ARRB1: variants seen among roughly 807,000 people sequenced by gnomAD.
ARRB1 encodes the protein beta-arrestin-1.
In ARRB1, 21 loss-of-function variants were observed where a neutral mutation model predicts 56.8. The ratio of observed to expected loss-of-function variants is 0.37; its 90% CI spans 0.26 to 0.53. ARRB1 has a LOEUF of 0.53. ARRB1 is among the 20% of genes least tolerant of loss of function. The pLI is 0.88. For missense variants in ARRB1, 424 were observed against 553.7 expected (o/e 0.77, Z 2.35); for synonymous variants, 210 against 218.6 (o/e 0.96, Z 0.35).
chr11:75,288,418 G>A (rs928858327), intron 2 of ARRB1, among the ~76,000 whole-genome samples: 2 of 151,960 alleles, frequency 1.3e-5, no homozygotes, highest in African/African-American at 2.4e-5. Context: ...CAGATCCAGA[G>A]CGTCATCCTG....
Position 75,284,289 on chromosome 11 carries a change from G to A in ARRB1, c.113-10C>T, listed in dbSNP as rs1946423556. On this transcript the variant is annotated splice_polypyrimidine_tract_variant and intron_variant, in intron 3 of 15. Transcript: ENST00000420843. ...ACCAGGACCACACCATCTGGGGAAAGGACAGAGAGTAAGCGGCCTCTCCCA... is the reference window on the plus strand; with the variant it reads ...ACCAGGACCACACCATCTGGGGAAAAGACAGAGAGTAAGCGGCCTCTCCCA... 2 of 1,606,510 alleles carry A rather than the reference G, an allele frequency of 1.2e-6. No homozygotes were observed. Among genetic ancestry groups the A allele is most frequent in the African/African-American group, 1.3e-5 (1 of 74,830 alleles).
intron 1 of ARRB1, among the ~76,000 whole-genome samples, chr11:75,320,735 G>A (rs1426506033): frequency 6.6e-6 from 1 of 152,152 alleles, no homozygotes; most frequent in African/African-American, 2.4e-5. Flanking sequence ...CAAAAACATT[G>A]TAGAGTAAAA....
chr11:75,272,524 G>T (rs1433025889), intron 12 of ARRB1, among the ~76,000 whole-genome samples: 1 of 152,288 alleles, frequency 6.6e-6, no homozygotes, highest in African/African-American at 2.4e-5. Context: ...CATGCATGGG[G>T]GTGGGTGCTA....
chr11:75,332,781 G>C (rs1439103197), intron 1 of ARRB1, among the ~76,000 whole-genome samples: 1 of 152,118 alleles, frequency 6.6e-6, no homozygotes, highest in African/African-American at 2.4e-5. Flanking sequence ...TGTAGTCCCA[G>C]CTACTCAGGA....
At chr11:75,306,463 T>C (rs1565130468) in intron 1 of ARRB1, 2 of 654,652 alleles carry the variant, frequency 3.1e-6, no homozygotes, top group Admixed American at 2.3e-5. Flanking sequence ...AAGCACTCAA[T>C]GCACATCTCA....
chr11:75,283,070 G>A (rs1003683790), intron 5 of ARRB1, among the ~76,000 whole-genome samples: 3 of 152,204 alleles, frequency 2.0e-5, no homozygotes, highest in African/African-American at 7.2e-5. Context: ...AGAAGGGTCT[G>A]AGGAGTAGCC....
chr11:75,288,560 G>A (rs889105514), intron 2 of ARRB1, among the ~76,000 whole-genome samples: 7 of 151,926 alleles, frequency 4.6e-5, no homozygotes, highest in East Asian at 1.9e-4. Flanking sequence ...CTGCTCACTC[G>A]CTGAGAGCCT....
chr11:75,344,320 G>A (rs1466715407), intron 1 of ARRB1, among the ~76,000 whole-genome samples: 1 of 152,214 alleles, frequency 6.6e-6, no homozygotes, highest in African/African-American at 2.4e-5. Flanking sequence ...TGGCCGCCCA[G>A]AAGAAAGGTC....
intron 3 of ARRB1, among the ~76,000 whole-genome samples, chr11:75,285,428 G>A (rs1045412887): frequency 6.6e-6 from 1 of 152,096 alleles, no homozygotes; most frequent in Admixed American, 6.5e-5. Flanking sequence ...GTCTATCTTT[G>A]GCCAAACCTT....
intron 13 of ARRB1, among the ~76,000 whole-genome samples, chr11:75,270,283 C>T (rs1946048080): frequency 2.0e-5 from 3 of 151,936 alleles, no homozygotes; most frequent in Admixed American, 2.0e-4. Context: ...GAGTTCGAGA[C>T]CAGCCTGGGC....
At chr11:75,321,748 G>A (rs189107037) in intron 1 of ARRB1, among the ~76,000 whole-genome samples, 1 of 152,244 alleles carries the variant, frequency 6.6e-6, no homozygotes, top group East Asian at 1.9e-4. Context: ...TGTAGTGTCT[G>A]GCACCTAGTA....
At chr11:75,345,927 G>A (rs777439162) in intron 1 of ARRB1, among the ~76,000 whole-genome samples, 1 of 152,168 alleles carries the variant, frequency 6.6e-6, no homozygotes, top group Admixed American at 6.5e-5. Context: ...CAGACCCAGC[G>A]TGGGTAAGGA....
rs1109759 is a variant in ARRB1, at chr11:75,314,956, G to A, written c.21-24917C>T. ...ATGTGGAGCACCTGGTTCAGTGCCC[G>A]GTGAACAGAGAGGCCCGTGGTAGAT... On this transcript the variant is annotated intron_variant, in intron 1 of 15. Coordinates refer to ENST00000420843, the MANE Select transcript of ARRB1 (RefSeq NM_004041.5). 2.5e-3 allele frequency among the ~76,000 whole-genome samples: 383 copies of A among 152,280 alleles called. 2 individuals are homozygous for A. The highest frequency in any genetic ancestry group is 8.6e-3 in the African/African-American group (356 of 41,566).
intron 1 of ARRB1, among the ~76,000 whole-genome samples, chr11:75,337,162 A>T (rs1035181505): frequency 2.0e-5 from 3 of 152,144 alleles, no homozygotes; most frequent in Non-Finnish European, 4.4e-5. Context: ...TTTCAAAGTC[A>T]GTTTCAGACC....
intron 1 of ARRB1, among the ~76,000 whole-genome samples, chr11:75,322,748 C>T (rs975410756): frequency 2.6e-5 from 4 of 152,128 alleles, no homozygotes; most frequent in East Asian, 1.9e-4. Context: ...TGCTGGGAGG[C>T]GAATGGAAGG....
intron 1 of ARRB1, among the ~76,000 whole-genome samples, chr11:75,331,153 C>T (rs969366277): frequency 2.0e-5 from 3 of 152,226 alleles, no homozygotes; most frequent in Non-Finnish European, 2.9e-5. Context: ...GGATTACAAG[C>T]GCCTGCCACC....
chr11:75,302,597 C>T (rs781240554), intron 1 of ARRB1, among the ~76,000 whole-genome samples: 1 of 152,172 alleles, frequency 6.6e-6, no homozygotes, highest in Non-Finnish European at 1.5e-5. Flanking sequence ...GCAGACAGTC[C>T]CTGCCTGAGT....
At chr11:75,333,868 G>A (rs1465246859) in intron 1 of ARRB1, among the ~76,000 whole-genome samples, 1 of 152,194 alleles carries the variant, frequency 6.6e-6, no homozygotes, top group Admixed American at 6.5e-5. Context: ...CCCTGACTCT[G>A]CAGAGGGATG....
At chr11:75,280,953 G>A in intron 7 of ARRB1, 122 bp downstream of exon 7, 1 of 1,202,960 alleles carries the variant, frequency 8.3e-7, no homozygotes, top group Non-Finnish European at 1.2e-6. Flanking sequence ...CCCTTCCAAG[G>A]CTGGAATGTG....
Sources: gnomAD v4.1 joint callset for allele counts (sites outside exome capture counted in the v4.1 genomes callset) on GRCh38, gnomAD v4.1.1 for gene constraint, MANE v1.5 for transcripts, NCBI Gene and HGNC (gene_info 2026-07-23, HGNC 2026-07-21) for gene names.